Variants in PSG2 observed in about 807,000 individuals in gnomAD.
The protein encoded by PSG2 is pregnancy-specific beta-1-glycoprotein 2.
PSG2 carries 49 observed loss-of-function variants against 36.2 expected under a neutral mutation model. That is an observed-to-expected ratio of 1.35 (90% CI 1.08 to 1.72). The LOEUF (loss-of-function observed/expected upper bound fraction) is 1.72. Ranked by LOEUF, PSG2 falls within the 40% of genes most tolerant of loss-of-function variation. PSG2 has a pLI of 0.00. For synonymous variants in PSG2, 261 were observed against 155.6 expected, an observed-to-expected ratio of 1.68 and a Z score of -5.04; for missense variants, 605 against 407.2, an observed-to-expected ratio of 1.49 and a Z score of -4.18.
intron 2 of PSG2, among the ~76,000 whole-genome samples, chr19:43,075,849 G>A (rs1360715672): frequency 6.6e-6 from 1 of 151,522 alleles, no homozygotes; most frequent in Non-Finnish European, 1.5e-5. Context: ...GACTTTCTCA[G>A]GTGTGTATTG....
Position 43,072,602 on chromosome 19 carries a change from A to G in PSG2, c.710-648T>C, listed in dbSNP as rs114863032. 2.8e-3 allele frequency: 4,560 copies of G among 1,611,504 alleles called. 210 individuals carry two copies. In the African/African-American group the frequency reaches 0.046, roughly 16 times the overall value. On this transcript the variant is annotated intron_variant, in intron 3 of 5. Coordinates refer to ENST00000406487, the MANE Select transcript of PSG2 (RefSeq NM_031246.4). ...ATTCTCCCTGGGGTTTAAGTTGTTGATGGTGATTTAGGGCTTGGGCAGCTT... is the reference window on the plus strand; with the variant it reads ...ATTCTCCCTGGGGTTTAAGTTGTTGGTGGTGATTTAGGGCTTGGGCAGCTT...
rs552884424 is a variant in PSG2, at chr19:43,072,331, C to A, written c.710-377G>T. On this transcript the variant is annotated intron_variant, in intron 3 of 5. Transcript: ENST00000406487. ...TTGGATTTAAGCTGGTGGCCTGGCC[C>A]ACAGAGGAACAAAAGATACAGAGGA... 28 of 1,611,230 alleles carry A rather than the reference C, an allele frequency of 1.7e-5. 1 individual carries two copies. The East Asian group carries it at 5.1e-4, about 30-fold the overall frequency.
At chr19:43,072,544 C>T in intron 3 of PSG2, 1 of 1,611,236 alleles carries the variant, frequency 6.2e-7, no homozygotes. Flanking sequence ...AGCTCTCACT[C>T]TTAGGTTCAC....
intron 5 of PSG2, among the ~76,000 whole-genome samples, chr19:43,064,854 T>A (rs1423270611): frequency 6.6e-6 from 1 of 151,816 alleles, no homozygotes. Context: ...TTTTTTCAGA[T>A]GGAGTCTCAC....
At chr19:43,077,047 T>A (rs553403244) in intron 2 of PSG2, among the ~76,000 whole-genome samples, 1 of 151,784 alleles carries the variant, frequency 6.6e-6, no homozygotes, top group South Asian at 2.1e-4. Flanking sequence ...AGTTTAGACC[T>A]CATGTTATGT....
At chr19:43,078,398 G>T (rs1450869278) in intron 2 of PSG2, among the ~76,000 whole-genome samples, 1 of 151,718 alleles carries the variant, frequency 6.6e-6, no homozygotes, top group African/African-American at 2.4e-5. Context: ...GGCTGGAGTT[G>T]ACAAAATTTG....
rs572449905 is a variant in PSG2 at position 43,064,518 on chromosome 19, A to T, written c.*124T>A. On this transcript the variant is annotated 3_prime_UTR_variant, in exon 6 of 6. Transcript: ENST00000406487. ...ATCAGCCTGTTCATTAAAATTTTGA[A>T]AGTTCTTAGTCCAGTGGTATGATCT... 1 of 594,180 alleles carries T rather than the reference A, an allele frequency of 1.7e-6. No individual in the cohort carries two copies. The highest frequency in any genetic ancestry group is 2.0e-5 in the South Asian group (1 of 49,330). 36.8% of individuals were successfully genotyped at this position (594,180 alleles called of 1,614,324 possible). A position where few individuals can be genotyped will look rare whatever the true frequency, so the allele number is the denominator to read the frequency against.
rs769478252 is a variant in PSG2, at chr19:43,081,187, G to C, written c.124C>G (p.Pro42Ala). The change falls in exon 2 of 6, where the codon CCA becomes GCA. Residue 42 changes from proline (P) to alanine (A), a missense_variant. Transcript: ENST00000406487. Reference sequence around the variant, plus strand: ...TCCTTCCCCTCGGAAACTTTTGGTGGCTGGGCTTCAATCGTGACTTGGGCA... The same window carrying C: ...TCCTTCCCCTCGGAAACTTTTGGTGCCTGGGCTTCAATCGTGACTTGGGCA... ...TTAQVTIEAQ[P>A]PKVSEGKDVL... 1.9e-6 allele frequency: 3 copies of C among 1,612,752 alleles called. No individual in the cohort carries two copies. Among genetic ancestry groups the C allele is most frequent in the South Asian group, 2.2e-5 (2 of 91,032 alleles).
At chr19:43,072,656 TC>T in intron 3 of PSG2, 1 of 1,607,996 alleles carries the variant, frequency 6.2e-7, no homozygotes, top group Non-Finnish European at 8.5e-7. Flanking sequence ...GAGAAGATTG[TC>T]CTGTGTGGCA....
At chr19:43,072,218 C>T in intron 3 of PSG2, 1 of 1,463,748 alleles carries the variant, frequency 6.8e-7, no homozygotes, top group East Asian at 2.3e-5. Flanking sequence ...TTTCCCAGGG[C>T]AGGGAGTCAT....
At chr19:43,078,124 C>G (rs1402681550) in intron 2 of PSG2, among the ~76,000 whole-genome samples, 1 of 151,776 alleles carries the variant, frequency 6.6e-6, no homozygotes, top group Non-Finnish European at 1.5e-5. Context: ...ATGGCTGACT[C>G]CATCTGGCAT....
At chr19:43,075,750 A>G in intron 2 of PSG2, 118 bp from the exon 3 acceptor site, 4 of 1,507,604 alleles carry the variant, frequency 2.7e-6, no homozygotes, top group South Asian at 1.3e-5. Flanking sequence ...TTAAAAGCCC[A>G]TGGCAGGTGT....
chr19:43,066,553 G>T lies in PSG2; in HGVS notation c.*4C>A. 1 of 1,594,864 alleles carries T rather than the reference G, an allele frequency of 6.3e-7. No individual in the cohort carries two copies. The highest frequency in any genetic ancestry group is 8.6e-7 in the Non-Finnish European group (1 of 1,163,218). ...CCTGAAATACAGAAATGACATCACA[G>T]CTGCTATGTTGGATTAAGGAGAGGA... On this transcript the variant is annotated 3_prime_UTR_variant, in exon 5 of 6. Coordinates refer to ENST00000406487, the MANE Select transcript of PSG2 (RefSeq NM_031246.4).
chr19:43,071,324 G>A, intron 4 of PSG2, among the ~76,000 whole-genome samples: 1 of 148,898 alleles, frequency 6.7e-6, no homozygotes, highest in South Asian at 2.1e-4. Flanking sequence ...GATGTTCCTT[G>A]TAGCTCATGG....
intron 4 of PSG2, among the ~76,000 whole-genome samples, chr19:43,071,098 G>A (rs1342537734): frequency 5.3e-5 from 8 of 151,436 alleles, no homozygotes; most frequent in Admixed American, 3.9e-4. Context: ...GGGGAGGCTT[G>A]GCTTCAACTG....
intron 2 of PSG2, among the ~76,000 whole-genome samples, 183 bp from the exon 3 acceptor site, chr19:43,075,815 C>A (rs999617884): frequency 2.0e-4 from 31 of 151,580 alleles, no homozygotes; most frequent in South Asian, 4.1e-4. Flanking sequence ...TGTGAGGCTG[C>A]CTGCTTTATG....
At chr19:43,066,202 G>A (rs1967737088) in intron 5 of PSG2, among the ~76,000 whole-genome samples, 1 of 151,670 alleles carries the variant, frequency 6.6e-6, no homozygotes, top group African/African-American at 2.4e-5. Flanking sequence ...GAGCTTTATG[G>A]GAATGGAGAG....
intron 2 of PSG2, among the ~76,000 whole-genome samples, chr19:43,080,224 C>A (rs1967952303): frequency 2.0e-5 from 3 of 151,758 alleles, no homozygotes; most frequent in Non-Finnish European, 2.9e-5. Context: ...TCCTAAGCCT[C>A]CTAAGGCAGT....
intron 4 of PSG2, among the ~76,000 whole-genome samples, chr19:43,070,121 C>A (rs1051796561): frequency 6.6e-6 from 1 of 151,556 alleles, no homozygotes; most frequent in African/African-American, 2.4e-5. Context: ...ATGTGCAAAT[C>A]AAAACCACAA....
Sources: gnomAD v4.1 joint callset for allele counts (sites outside exome capture counted in the v4.1 genomes callset) on GRCh38, gnomAD v4.1.1 for gene constraint, MANE v1.5 for transcripts, NCBI Gene and HGNC (gene_info 2026-07-23, HGNC 2026-07-21) for gene names.